MSR1: variants seen among roughly 807,000 people sequenced by gnomAD.
MSR1 encodes the protein macrophage scavenger receptor 1, also known as macrophage scavenger receptor types I and II.
A neutral mutation model predicts 47.2 loss-of-function variants in MSR1; 53 were observed. The observed-to-expected ratio is 1.12, with a 90% CI of 0.90 to 1.41. MSR1 has a LOEUF of 1.41. Ranked by LOEUF, MSR1 falls within the 40% of genes most tolerant of loss-of-function variation. The pLI, the probability that MSR1 is intolerant of heterozygous loss-of-function variation, is 0.00. For missense variants in MSR1, 786 were observed against 546.9 expected, an observed-to-expected ratio of 1.44 and a Z score of -4.36; for synonymous variants, 239 against 185.6, an observed-to-expected ratio of 1.29 and a Z score of -2.34.
chr8:16,130,425 A>C (rs1404572199), intron 8 of MSR1, among the ~76,000 whole-genome samples: 1 of 152,110 alleles, frequency 6.6e-6, no homozygotes, highest in Non-Finnish European at 1.5e-5. Context: ...CACTTAGATG[A>C]GCACTGTATT....
chr8:16,182,583 C>T (rs1440462551), intron 1 of MSR1, among the ~76,000 whole-genome samples: 2 of 149,662 alleles, frequency 1.3e-5, no homozygotes, highest in Non-Finnish European at 3.0e-5. Context: ...AATGTTTCTA[C>T]TTCTTTAACT....
chr8:16,120,520 T>C lies in MSR1; in HGVS notation c.1120A>G (p.Ile374Val), dbSNP rs1373045741. The stretch of plus-strand genomic sequence containing the variant: ...CGCACTTCCCAGCGATCGTCACAAA[T>C]TGTACCCCACTGGCCGCTGTGGAGT... ...EILHSGQWGT[I>V]CDDRWEVRVG... The change falls in exon 9 of 10, where the codon ATT (isoleucine) becomes GTT (valine). Residue 374 changes from isoleucine (I) to valine (V), a missense_variant. By Grantham distance (29) the Ile-to-Val change is conservative (BLOSUM62 3). Coordinates refer to ENST00000262101, the MANE Select transcript of MSR1 (RefSeq NM_138715.3). 3 of 1,611,658 alleles carry C rather than the reference T, an allele frequency of 1.9e-6. No individual in the cohort carries two copies. The highest frequency in any genetic ancestry group is 1.3e-5 in the African/African-American group (1 of 74,130).
At chr8:16,186,024 C>A (rs572941314) in intron 1 of MSR1, 2 of 738,752 alleles carry the variant, frequency 2.7e-6, no homozygotes, top group Non-Finnish European at 4.3e-6. Context: ...GCAAGAAATC[C>A]ATAACCTGCC....
chr8:16,179,692 C>T (rs2117215419), intron 1 of MSR1, among the ~76,000 whole-genome samples: 1 of 151,700 alleles, frequency 6.6e-6, no homozygotes, highest in South Asian at 2.1e-4. Flanking sequence ...CCAGCCTGGC[C>T]AACATGGTGA....
chr8:16,171,961 G>T (rs1015528696), intron 3 of MSR1, among the ~76,000 whole-genome samples: 1 of 152,020 alleles, frequency 6.6e-6, no homozygotes, highest in Non-Finnish European at 1.5e-5. Context: ...CCACTTCCTG[G>T]CATGTAATAA....
intron 3 of MSR1, among the ~76,000 whole-genome samples, chr8:16,172,321 G>A (rs1233681003): frequency 1.3e-5 from 2 of 152,170 alleles, no homozygotes; most frequent in Non-Finnish European, 2.9e-5. Context: ...TGAGGTGACA[G>A]TAAATGCTAC....
chr8:16,181,441 C>T (rs951041407), intron 1 of MSR1, among the ~76,000 whole-genome samples: 15 of 152,106 alleles, frequency 9.9e-5, no homozygotes, highest in Non-Finnish European at 2.2e-4. Flanking sequence ...AAATGTGGCA[C>T]ATATACACCA....
chr8:16,147,211 A>G (rs763997718), intron 7 of MSR1, among the ~76,000 whole-genome samples: 35 of 152,062 alleles, frequency 2.3e-4, no homozygotes, highest in Non-Finnish European at 4.4e-4. Context: ...TAAATGGACT[A>G]CTCTATAGAT....
intron 8 of MSR1, among the ~76,000 whole-genome samples, chr8:16,126,448 C>G (rs1181437866): frequency 6.6e-6 from 1 of 151,972 alleles, no homozygotes; most frequent in East Asian, 1.9e-4. Context: ...ATTTGAGATG[C>G]AAACATAATA....
At chr8:16,142,763 C>T (rs990791246) in intron 8 of MSR1, among the ~76,000 whole-genome samples, 1 of 152,106 alleles carries the variant, frequency 6.6e-6, no homozygotes, top group Non-Finnish European at 1.5e-5. Context: ...TATGATCACC[C>T]TGTTTGTGTT....
chr8:16,131,256 C>T (rs982334332), intron 8 of MSR1, among the ~76,000 whole-genome samples: 2 of 152,058 alleles, frequency 1.3e-5, no homozygotes, highest in Admixed American at 6.6e-5. Flanking sequence ...AACATTTTTG[C>T]ATATGCTTGT....
rs1189710009 is a variant in MSR1, at chr8:16,173,639, G to A, written c.217+1548C>T. Reference sequence around the variant, plus strand: ...CCTCTAGAAAATATTTTCCTGTGGTGACTTTTTTGTTTTTTCTTTTTTTTT... The same window carrying A: ...CCTCTAGAAAATATTTTCCTGTGGTAACTTTTTTGTTTTTTCTTTTTTTTT... On this transcript the variant is annotated intron_variant, in intron 3 of 9. Transcript: ENST00000262101. Among the ~76,000 whole-genome samples the A allele has an allele frequency of 2.0e-5, 3 of 152,034 alleles. No homozygotes were observed. In the South Asian group the frequency reaches 6.2e-4, roughly 32 times the overall value.
intron 4 of MSR1, among the ~76,000 whole-genome samples, chr8:16,167,612 G>T (rs1801351583): frequency 6.6e-6 from 1 of 152,090 alleles, no homozygotes; most frequent in Non-Finnish European, 1.5e-5. Flanking sequence ...TGCACTGCCA[G>T]AATCAAATGT....
At chr8:16,111,225 T>C (rs556212013) in intron 9 of MSR1, among the ~76,000 whole-genome samples, 6 of 152,108 alleles carry the variant, frequency 3.9e-5, no homozygotes, top group Non-Finnish European at 7.4e-5. Flanking sequence ...ATAAAAACAA[T>C]TGCACAAATA....
intron 5 of MSR1, among the ~76,000 whole-genome samples, chr8:16,160,050 A>G (rs73665237): frequency 6.6e-6 from 1 of 152,014 alleles, no homozygotes; most frequent in Admixed American, 6.6e-5. Flanking sequence ...AAGACTAGTT[A>G]AGAGACACAC....
At chr8:16,179,879 C>CAA (rs58441043) in intron 1 of MSR1, among the ~76,000 whole-genome samples, 4,311 of 79,970 alleles carry the variant, frequency 0.054, 300 homozygotes, top group Non-Finnish European at 0.078. Flanking sequence ...CCCTGTGTCT[C>CAA]AAAAAAAAAA....
intron 3 of MSR1, among the ~76,000 whole-genome samples, chr8:16,172,292 T>C (rs1377287273): frequency 1.3e-5 from 2 of 152,156 alleles, no homozygotes; most frequent in African/African-American, 2.4e-5. Context: ...CTATTTTTAA[T>C]TTGACAACAA....
At chr8:16,177,087 G>C (rs766255679) in intron 2 of MSR1, among the ~76,000 whole-genome samples, 1 of 152,148 alleles carries the variant, frequency 6.6e-6, no homozygotes, top group Non-Finnish European at 1.5e-5. Flanking sequence ...ATACAGCTGA[G>C]TATTGCTACT....
intron 9 of MSR1, 131 bp from the exon 10 acceptor site, chr8:16,110,349 G>A: frequency 9.9e-7 from 1 of 1,010,826 alleles, no homozygotes; most frequent in South Asian, 1.3e-5. Context: ...CAAGTTCTGT[G>A]CTCTCTAGTA....
Sources: gnomAD v4.1 joint callset for allele counts (sites outside exome capture counted in the v4.1 genomes callset) on GRCh38, gnomAD v4.1.1 for gene constraint, MANE v1.5 for transcripts, NCBI Gene and HGNC (gene_info 2026-07-23, HGNC 2026-07-21) for gene names.